The following MALRD1 variants were observed in gnomAD, a reference collection of about 807,000 sequenced individuals.
MALRD1 encodes the protein MAM and LDL-receptor class A domain-containing protein 1.
In MALRD1, 247 loss-of-function variants were observed where a neutral mutation model predicts 242.1. The observed-to-expected ratio is 1.02, with a 90% CI of 0.92 to 1.13. The LOEUF (loss-of-function observed/expected upper bound fraction) is 1.13. MALRD1 is among the 50% of genes most tolerant of loss of function. MALRD1 has a pLI of 0.00. For synonymous variants in MALRD1, 995 were observed against 866.6 expected (o/e 1.15, Z -2.60); for missense variants, 2,989 against 2,533.1 (o/e 1.18, Z -3.86).
chr10:19,629,300 A>G (rs1839809889), intron 36 of MALRD1, among the ~76,000 whole-genome samples: 1 of 152,158 alleles, frequency 6.6e-6, no homozygotes, highest in African/African-American at 2.4e-5. Context: ...TTCGCTGGTC[A>G]TTGCTGACAG....
intron 36 of MALRD1, among the ~76,000 whole-genome samples, chr10:19,648,696 A>G (rs1840747625): frequency 6.6e-6 from 1 of 152,204 alleles, no homozygotes; most frequent in East Asian, 1.9e-4. Context: ...CAACTCCAAA[A>G]TATCTGATTA....
intron 29 of MALRD1, among the ~76,000 whole-genome samples, chr10:19,475,506 TCTTGAGTCCCAGTGTC>T (rs1564373533): frequency 6.6e-6 from 1 of 152,226 alleles, no homozygotes; most frequent in Non-Finnish European, 1.5e-5. Context: ...AAAATATTAA[TCTTGAGTCCCAGTGTC>T]AATAATAATC....
chr10:19,469,816 A>G (rs1427560871), intron 29 of MALRD1, among the ~76,000 whole-genome samples: 1 of 151,940 alleles, frequency 6.6e-6, no homozygotes, highest in Non-Finnish European at 1.5e-5. Flanking sequence ...CCATATAAAA[A>G]GCTCTATTTA....
At position 19,352,138 on chromosome 10, in the gene MALRD1, CTG is replaced by C. The variant is rs1564586218; in HGVS notation, c.4284_4285del (p.Ser1429ThrfsTer4). On this transcript the variant is annotated frameshift_variant, in exon 26 of 40. Transcript: ENST00000454679. LOFTEE classifies it high-confidence loss of function. ...EQGNFWRREE[L>X]SLFGDEDFQL... ...AGGCAATTTCTGGCGGAGAGAAGAA[CTG>C]TCACTGTTTGGTGATGAAGACTTCC... 1.3e-6 allele frequency: 2 copies of C among 1,550,568 alleles called. No homozygotes were observed. Among genetic ancestry groups the C allele is most frequent in the Non-Finnish European group, 1.7e-6 (2 of 1,146,944 alleles).
At chr10:19,451,743 C>A (rs1027497531) in intron 29 of MALRD1, among the ~76,000 whole-genome samples, 6 of 152,286 alleles carry the variant, frequency 3.9e-5, no homozygotes, top group African/African-American at 1.4e-4. Context: ...ATGAGTGGTA[C>A]TGTTTCAAAA....
chr10:19,470,676 A>G (rs1000122959), intron 29 of MALRD1, among the ~76,000 whole-genome samples: 2 of 151,878 alleles, frequency 1.3e-5, no homozygotes, highest in African/African-American at 4.8e-5. Context: ...TTCTCTAATG[A>G]TTAGTGATAT....
intron 1 of MALRD1, among the ~76,000 whole-genome samples, chr10:19,063,799 G>A (rs188761074): frequency 6.6e-6 from 1 of 150,764 alleles, no homozygotes; most frequent in Non-Finnish European, 1.5e-5. Flanking sequence ...GTTGTGGGGT[G>A]GGGGGAGGCG....
chr10:19,069,149 C>G (rs1254643156), intron 2 of MALRD1, among the ~76,000 whole-genome samples: 1 of 151,886 alleles, frequency 6.6e-6, no homozygotes, highest in East Asian at 1.9e-4. Flanking sequence ...TTAAGTCTAT[C>G]AAAGATTAAA....
At chr10:19,601,978 A>G (rs1393229639) in intron 34 of MALRD1, among the ~76,000 whole-genome samples, 1 of 152,090 alleles carries the variant, frequency 6.6e-6, no homozygotes. Context: ...ATACACAAAT[A>G]TATATCATAG....
chr10:19,106,998 C>G (rs564679512), intron 5 of MALRD1, among the ~76,000 whole-genome samples: 1 of 151,930 alleles, frequency 6.6e-6, no homozygotes, highest in Non-Finnish European at 1.5e-5. Flanking sequence ...AAGATAATTA[C>G]TATGATTCTG....
intron 27 of MALRD1, 35 bp downstream of exon 27, chr10:19,387,808 G>T: frequency 2.6e-6 from 4 of 1,531,414 alleles, no homozygotes; most frequent in South Asian, 1.2e-5. Flanking sequence ...GCTTTCACAT[G>T]ATTTTCACAA....
At chr10:19,493,875 T>C (rs1347682421) in intron 30 of MALRD1, among the ~76,000 whole-genome samples, 1 of 152,054 alleles carries the variant, frequency 6.6e-6, no homozygotes, top group East Asian at 1.9e-4. Flanking sequence ...TGTAAGGAAT[T>C]AATTTCAATG....
chr10:19,291,532 C>T (rs562144239), intron 21 of MALRD1: 4 of 150,426 alleles, frequency 2.7e-5, no homozygotes, highest in Middle Eastern at 3.4e-3. Flanking sequence ...GACAGAATGA[C>T]ACTTTATCTC....
At chr10:19,363,840 GA>G (rs759874093) in intron 26 of MALRD1, among the ~76,000 whole-genome samples, 1 of 152,056 alleles carries the variant, frequency 6.6e-6, no homozygotes, top group African/African-American at 2.4e-5. Context: ...TAACTCCCAA[GA>G]CATCCCACTT....
At chr10:19,409,841 C>T (rs1228517436) in intron 28 of MALRD1, among the ~76,000 whole-genome samples, 1 of 152,006 alleles carries the variant, frequency 6.6e-6, no homozygotes, top group African/African-American at 2.4e-5. Flanking sequence ...AAATTTACTT[C>T]CAATTTGTAC....
intron 18 of MALRD1, among the ~76,000 whole-genome samples, chr10:19,216,980 A>G (rs2358362): frequency 6.0e-5 from 9 of 149,060 alleles, no homozygotes; most frequent in Admixed American, 2.0e-4. Flanking sequence ...TAAAATTAAA[A>G]AAAATGATGT....
chr10:19,279,620 G>A (rs1033674210), intron 19 of MALRD1, among the ~76,000 whole-genome samples: 19 of 152,202 alleles, frequency 1.2e-4, no homozygotes, highest in Non-Finnish European at 1.5e-4. Context: ...GTGAAAATAT[G>A]TTAAACAAAG....
intron 1 of MALRD1, among the ~76,000 whole-genome samples, chr10:19,056,168 C>G (rs1364206456): frequency 6.6e-6 from 1 of 151,984 alleles, no homozygotes; most frequent in African/African-American, 2.4e-5. Context: ...ATTGTTTTGG[C>G]TACTTGGAAT....
chr10:19,491,675 C>T (rs1564387349), intron 30 of MALRD1, 30 bp downstream of exon 30: 12 of 1,538,638 alleles, frequency 7.8e-6, no homozygotes, highest in Non-Finnish European at 9.6e-6. Flanking sequence ...GTATGGCAGC[C>T]AGTTCAGCAG....
Sources: gnomAD v4.1 joint callset for allele counts (sites outside exome capture counted in the v4.1 genomes callset) on GRCh38, gnomAD v4.1.1 for gene constraint, MANE v1.5 for transcripts, NCBI Gene and HGNC (gene_info 2026-07-23, HGNC 2026-07-21) for gene names.